GSAP: variants seen among roughly 807,000 people sequenced by gnomAD.
GSAP encodes the protein gamma-secretase activating protein.
Under a neutral mutation model 131.7 loss-of-function variants are expected in GSAP, and 118 were observed. The observed-to-expected ratio is 0.90, with a 90% CI of 0.77 to 1.04. The LOEUF is 1.04. Ranked by LOEUF, GSAP falls within the 50% of genes least tolerant of loss-of-function variation. The probability of loss-of-function intolerance (pLI) is 0.00; values close to 1 mark genes in which losing one functional copy is unlikely to be tolerated. For synonymous variants in GSAP, 381 were observed against 363.4 expected (o/e 1.05, Z -0.55); for missense variants, 1,019 against 1,013.2 (o/e 1.01, Z -0.08).
chr7:77,349,353 T>C lies in GSAP; in HGVS notation c.1543A>G (p.Lys515Glu). ...GTTTCTTGCTGTAAGGGACCTACCT[T>C]CATAAGAGGCAATGCAATGTCTTCT... ...VTEDIALPLMKVLSFKGYWEK... is the reference protein window; with the variant it reads ...VTEDIALPLMEVLSFKGYWEK... The change falls in exon 19 of 31, where the codon AAG becomes GAG. Residue 515 changes from lysine to glutamate, a missense_variant and splice_region_variant. Transcript: ENST00000257626. The C allele has an allele frequency of 6.2e-7, 1 of 1,609,272 alleles. No homozygotes were observed. Among genetic ancestry groups the C allele is most frequent in the African/African-American group, 1.3e-5 (1 of 74,922 alleles).
At chr7:77,358,593 T>TG in intron 14 of GSAP, among the ~76,000 whole-genome samples, 2 of 152,350 alleles carry the variant, frequency 1.3e-5, no homozygotes, top group East Asian at 3.9e-4. Context: ...ACTGAAGTTT[T>TG]ATATTTTTAA....
intron 3 of GSAP, among the ~76,000 whole-genome samples, chr7:77,398,885 T>A (rs1800861940): frequency 6.6e-6 from 1 of 152,242 alleles, no homozygotes; most frequent in Admixed American, 6.5e-5. Context: ...ATTACACAGT[T>A]ACATTGCAAG....
In GSAP at chr7:77,336,462, A is replaced by G. The variant is rs531287891; in HGVS notation, c.1546-6095T>C. ...CATTGCTACAGAAACAACAGGAATG[A>G]TATCACTAGCCTCAAGCTCTTTTTT... is the stretch of plus-strand genomic sequence containing the variant. On this transcript the variant is annotated intron_variant, in intron 19 of 30. Transcript: ENST00000257626. 2.6e-5 allele frequency among the ~76,000 whole-genome samples: 4 copies of G among 151,982 alleles called. No individual in the cohort carries two copies. The South Asian group carries it at 8.3e-4, about 32-fold the overall frequency.
chr7:77,412,600 T>A (rs1803472484), intron 1 of GSAP, among the ~76,000 whole-genome samples: 1 of 151,654 alleles, frequency 6.6e-6, no homozygotes, highest in Non-Finnish European at 1.5e-5. Context: ...TTGCAACACG[T>A]GATAAAGAAC....
At chr7:77,390,060 T>C (rs1432847891) in intron 5 of GSAP, among the ~76,000 whole-genome samples, 2 of 152,248 alleles carry the variant, frequency 1.3e-5, no homozygotes, top group East Asian at 1.9e-4. Context: ...TTTCATGTGT[T>C]TTTTGGCTGA....
At chr7:77,322,545 G>A (rs1035536072) in intron 24 of GSAP, among the ~76,000 whole-genome samples, 1 of 151,274 alleles carries the variant, frequency 6.6e-6, no homozygotes, top group Non-Finnish European at 1.5e-5. Flanking sequence ...AGAAATAAAG[G>A]TGATAGGTGG....
chr7:77,333,721 GA>G (rs1789519348), intron 19 of GSAP, among the ~76,000 whole-genome samples: 1 of 152,152 alleles, frequency 6.6e-6, no homozygotes, highest in African/African-American at 2.4e-5. Flanking sequence ...CCAAATCTTT[GA>G]GGGATTCTGA....
chr7:77,341,114 G>A (rs1462288113), intron 19 of GSAP, among the ~76,000 whole-genome samples: 2 of 152,078 alleles, frequency 1.3e-5, no homozygotes, highest in Non-Finnish European at 2.9e-5. Flanking sequence ...CATTTTACAA[G>A]ACCCGGATGA....
intron 1 of GSAP, among the ~76,000 whole-genome samples, chr7:77,412,776 C>CAAAAAAAAAAAA (rs34619648): frequency 9.0e-6 from 1 of 110,714 alleles, no homozygotes; most frequent in Non-Finnish European, 1.9e-5. Flanking sequence ...ACCAGTTTGA[C>CAAAAAAAAAAAA]AAAAAAAAAA....
At chr7:77,414,973 T>C (rs1804064129) in intron 1 of GSAP, among the ~76,000 whole-genome samples, 1 of 147,234 alleles carries the variant, frequency 6.8e-6, no homozygotes, top group African/African-American at 2.5e-5. Context: ...TTCTCCTGCC[T>C]CAGCCTCCCG....
intron 6 of GSAP, among the ~76,000 whole-genome samples, chr7:77,384,032 AAAT>A (rs1468219547): frequency 6.6e-6 from 1 of 152,268 alleles, no homozygotes; most frequent in Non-Finnish European, 1.5e-5. Context: ...TCAGCTACAA[AAAT>A]AATACAGAAC....
intron 19 of GSAP, among the ~76,000 whole-genome samples, chr7:77,340,618 C>T (rs991681500): frequency 3.9e-5 from 6 of 152,328 alleles, no homozygotes; most frequent in South Asian, 4.1e-4. Context: ...ACAAAGAAGA[C>T]ACATTTTATC....
chr7:77,355,807 A>T (rs111327136), intron 14 of GSAP, among the ~76,000 whole-genome samples, 160 bp from the exon 15 acceptor site: 37,147 of 128,100 alleles, frequency 0.29, 6,848 homozygotes, highest in African/African-American at 0.5. Context: ...TTTTTTTTTT[A>T]AGACAGGGTC....
At chr7:77,356,043 C>T (rs1244153945) in intron 14 of GSAP, among the ~76,000 whole-genome samples, 1 of 151,750 alleles carries the variant, frequency 6.6e-6, no homozygotes, top group Non-Finnish European at 1.5e-5. Context: ...CCTCCTGCCT[C>T]GGCCTCCCAA....
intron 12 of GSAP, among the ~76,000 whole-genome samples, chr7:77,371,206 C>T (rs1304473880): frequency 1.3e-5 from 2 of 152,178 alleles, no homozygotes; most frequent in East Asian, 3.9e-4. Flanking sequence ...CAGTAAACGA[C>T]ACTACTGTTC....
At chr7:77,313,263 G>A (rs192534905) in intron 28 of GSAP, among the ~76,000 whole-genome samples, 5 of 152,062 alleles carry the variant, frequency 3.3e-5, no homozygotes, top group Admixed American at 6.5e-5. Context: ...TGTTCTCACT[G>A]GACTGTGCCA....
chr7:77,377,258 A>AAAAAAAAAAAAAAAGG, intron 9 of GSAP, 28 bp downstream of exon 9: 3 of 1,400,742 alleles, frequency 2.1e-6, no homozygotes, highest in South Asian at 1.8e-5. Context: ...AAAAAAAAAA[A>AAAAAAAAAAAAAAAGG]GGAGTGCCCG....
intron 2 of GSAP, among the ~76,000 whole-genome samples, chr7:77,405,382 A>G (rs1012007439): frequency 6.6e-6 from 1 of 152,234 alleles, no homozygotes; most frequent in Admixed American, 6.5e-5. Flanking sequence ...ATTTTCTCCA[A>G]TGATAAAATG....
intron 12 of GSAP, among the ~76,000 whole-genome samples, chr7:77,364,749 A>G (rs1315634819): frequency 6.6e-6 from 1 of 152,184 alleles, no homozygotes; most frequent in African/African-American, 2.4e-5. Context: ...TTATAAGCAA[A>G]TATTTCCAAA....
Sources: allele counts gnomAD v4.1 joint callset (sites outside exome capture counted in the v4.1 genomes callset), GRCh38; gene constraint gnomAD v4.1.1; transcripts MANE v1.5; gene names NCBI Gene and HGNC (gene_info 2026-07-23, HGNC 2026-07-21).